CNTN5: variants seen among roughly 807,000 people sequenced by gnomAD.
The protein encoded by CNTN5 is contactin 5.
A neutral mutation model predicts 129.1 loss-of-function variants in CNTN5; 77 were observed. The observed-to-expected ratio is 0.60, with a 90% confidence interval of 0.50 to 0.72. The LOEUF is 0.72. Among genes scored for constraint, CNTN5 ranks in the 30% least tolerant of loss-of-function variants. The probability of loss-of-function intolerance (pLI) is 0.00; values close to 1 mark genes in which losing one functional copy is unlikely to be tolerated. For missense variants in CNTN5, 1,478 were observed against 1,328.8 expected, an observed-to-expected ratio of 1.11 and a Z score of -1.75; for synonymous variants, 509 against 465.6, an observed-to-expected ratio of 1.09 and a Z score of -1.20.
intron 13 of CNTN5, among the ~76,000 whole-genome samples, chr11:100,160,420 C>T (rs570399792): frequency 1.8e-4 from 27 of 151,992 alleles, no homozygotes; most frequent in Non-Finnish European, 3.8e-4. Flanking sequence ...ATTTATAATC[C>T]GTTGGGTATA....
chr11:99,131,183 G>A (rs1289284159), intron 1 of CNTN5, among the ~76,000 whole-genome samples: 1 of 139,520 alleles, frequency 7.2e-6, no homozygotes, highest in African/African-American at 2.7e-5. Context: ...GGGAGGCGGA[G>A]CTTGCAGTGA....
At chr11:99,454,145 A>G (rs1243688052) in intron 2 of CNTN5, among the ~76,000 whole-genome samples, 1 of 152,176 alleles carries the variant, frequency 6.6e-6, no homozygotes, top group East Asian at 1.9e-4. Context: ...AAGACAGCAT[A>G]ATGAACAGAA....
intron 2 of CNTN5, among the ~76,000 whole-genome samples, chr11:99,508,479 G>A (rs930607219): frequency 1.1e-4 from 16 of 152,134 alleles, no homozygotes; most frequent in Non-Finnish European, 1.6e-4. Context: ...CACATACTGA[G>A]TGCTGGCTGT....
chr11:99,510,422 G>A (rs1946791929), intron 2 of CNTN5, among the ~76,000 whole-genome samples: 3 of 152,170 alleles, frequency 2.0e-5, no homozygotes, highest in South Asian at 4.1e-4. Context: ...CTAGAAATCT[G>A]ACTTCTAATA....
At position 99,485,029 on chromosome 11, in the gene CNTN5, A is replaced by T. The variant is rs1945755261; in HGVS notation, c.-70-71116A>T. 2.0e-5 allele frequency among the ~76,000 whole-genome samples: 3 copies of T among 152,242 alleles called. No homozygotes were observed. The South Asian group carries it at 6.2e-4, about 31-fold the overall frequency. On this transcript the variant is annotated intron_variant, in intron 2 of 24. Coordinates refer to ENST00000524871, the MANE Select transcript of CNTN5 (RefSeq NM_014361.4). ...TAGCTCTGTAGGATGACTATAGTTAACAATAATACATAGTTTCAAATAGCT... is the reference window on the plus strand; with the variant it reads ...TAGCTCTGTAGGATGACTATAGTTATCAATAATACATAGTTTCAAATAGCT...
intron 4 of CNTN5, among the ~76,000 whole-genome samples, chr11:99,838,919 C>T (rs1180501789): frequency 1.3e-5 from 2 of 151,946 alleles, no homozygotes; most frequent in African/African-American, 4.8e-5. Flanking sequence ...CTGACACTCA[C>T]GGGGAAAGAA....
rs553562228 is a variant in CNTN5 at position 99,809,124 on chromosome 11, G to A, written c.56-10420G>A. Among the ~76,000 whole-genome samples, 4 of 152,004 alleles carry A rather than the reference G, an allele frequency of 2.6e-5. No homozygotes were observed. In the South Asian group the frequency reaches 6.2e-4, roughly 24 times the overall value. On this transcript the variant is annotated intron_variant, in intron 3 of 24. Transcript: ENST00000524871. ...GTGGAGTGAGGACTCCCCCAGGCCC[G>A]GGAAAAATTTTTGTTTACTCTATGG...
chr11:99,462,257 G>C (rs1294791036), intron 2 of CNTN5, among the ~76,000 whole-genome samples: 1 of 151,630 alleles, frequency 6.6e-6, no homozygotes, highest in Non-Finnish European at 1.5e-5. Flanking sequence ...TTTGTATTTT[G>C]TATTTTATTC....
chr11:100,041,383 C>T lies in CNTN5; in HGVS notation c.981-19829C>T, dbSNP rs188005447. 5.3e-4 allele frequency among the ~76,000 whole-genome samples: 80 copies of T among 152,248 alleles called. 1 individual carries two copies. Among genetic ancestry groups the T allele is most frequent in the African/African-American group, 1.9e-3 (79 of 41,552 alleles). On this transcript the variant is annotated intron_variant, in intron 9 of 24. Transcript: ENST00000524871. Reference sequence around the variant, plus strand: ...TATGAATTCCACCTCTATCACTCTCCCCATTGTCAACTCCAGGTCTACGAC... The same window carrying T: ...TATGAATTCCACCTCTATCACTCTCTCCATTGTCAACTCCAGGTCTACGAC...
chr11:99,790,536 C>T (rs1021654200), intron 3 of CNTN5, among the ~76,000 whole-genome samples: 6 of 152,002 alleles, frequency 3.9e-5, no homozygotes, highest in African/African-American at 1.4e-4. Context: ...TGTTCTATAG[C>T]GTGTGTGTAT....
intron 3 of CNTN5, among the ~76,000 whole-genome samples, chr11:99,766,641 T>A (rs1353255575): frequency 1.3e-5 from 2 of 152,214 alleles, no homozygotes; most frequent in South Asian, 2.1e-4. Flanking sequence ...TTCTTAACAC[T>A]TTTATTAATA....
chr11:99,668,501 G>A (rs1237739405), intron 3 of CNTN5, among the ~76,000 whole-genome samples: 1 of 152,062 alleles, frequency 6.6e-6, no homozygotes, highest in Non-Finnish European at 1.5e-5. Flanking sequence ...GAAACTCAAG[G>A]GTGGTACTAA....
chr11:99,224,548 G>A (rs547183092), intron 1 of CNTN5, among the ~76,000 whole-genome samples: 4 of 152,148 alleles, frequency 2.6e-5, no homozygotes, highest in Non-Finnish European at 5.9e-5. Flanking sequence ...GTGTAGCACG[G>A]GCGTCATTAC....
intron 16 of CNTN5, among the ~76,000 whole-genome samples, chr11:100,243,857 CT>C (rs1458333115): frequency 6.6e-6 from 1 of 152,096 alleles, no homozygotes; most frequent in East Asian, 1.9e-4. Flanking sequence ...CTTCTCACCC[CT>C]GTACTTCAGT....
intron 1 of CNTN5, among the ~76,000 whole-genome samples, chr11:99,210,949 C>T (rs1173724826): frequency 6.6e-6 from 1 of 152,040 alleles, no homozygotes; most frequent in Non-Finnish European, 1.5e-5. Context: ...AAATATTTGT[C>T]AAATTAAAAT....
chr11:99,560,049 G>A (rs1948790451), intron 3 of CNTN5, among the ~76,000 whole-genome samples: 1 of 152,142 alleles, frequency 6.6e-6, no homozygotes, highest in African/African-American at 2.4e-5. Flanking sequence ...GGGTCAGGGA[G>A]AAGGTTGAAT....
chr11:99,601,991 A>C (rs937045794), intron 3 of CNTN5, among the ~76,000 whole-genome samples: 8 of 152,134 alleles, frequency 5.3e-5, no homozygotes, highest in East Asian at 3.9e-4. Flanking sequence ...CTATATACCT[A>C]TATATACCTA....
intron 15 of CNTN5, among the ~76,000 whole-genome samples, chr11:100,204,067 A>G (rs1948853177): frequency 6.6e-6 from 1 of 151,166 alleles, no homozygotes. Context: ...AGATCCCGCC[A>G]CCAGGATCTA....
intron 3 of CNTN5, among the ~76,000 whole-genome samples, chr11:99,755,773 A>T (rs185775801): frequency 2.3e-4 from 35 of 152,204 alleles, no homozygotes; most frequent in Admixed American, 3.9e-4. Flanking sequence ...TTAATAGATT[A>T]CTTCTAAGCT....
Sources: allele counts gnomAD v4.1 joint callset (sites outside exome capture counted in the v4.1 genomes callset), GRCh38; gene constraint gnomAD v4.1.1; transcripts MANE v1.5; gene names NCBI Gene and HGNC (gene_info 2026-07-23, HGNC 2026-07-21).